The following CLCN6 variants were observed in gnomAD, a reference collection of about 807,000 sequenced individuals.
CLCN6 encodes the protein Cl-/H+ antiporter 6.
A neutral mutation model predicts 109.8 loss-of-function variants in CLCN6; 70 were observed. That is an observed-to-expected ratio of 0.64 (90% confidence interval 0.53 to 0.78). CLCN6 has a LOEUF of 0.78. Ranked by LOEUF, CLCN6 falls within the 30% of genes least tolerant of loss-of-function variation. CLCN6 has a pLI of 0.00. For synonymous variants in CLCN6, 444 were observed against 447.8 expected, an observed-to-expected ratio of 0.99 and a Z score of 0.11; for missense variants, 984 against 1,142.3, an observed-to-expected ratio of 0.86 and a Z score of 2.00.
intron 13 of CLCN6, among the ~76,000 whole-genome samples, chr1:11,833,206 G>A (rs551023799): frequency 6.6e-6 from 1 of 152,262 alleles, no homozygotes; most frequent in South Asian, 2.1e-4. Context: ...GCTTCTAGCA[G>A]CATCACTTAG....
At chr1:11,807,903 A>T (rs1414074381) in intron 2 of CLCN6, among the ~76,000 whole-genome samples, 2 of 151,768 alleles carry the variant, frequency 1.3e-5, no homozygotes, top group African/African-American at 2.4e-5. Flanking sequence ...AACCTGTCCC[A>T]CTCACCCCCT....
chr1:11,842,522 A>C lies in CLCN6; in HGVS notation c.*2299A>C, dbSNP rs562121410. 6.5e-6 allele frequency: 1 copy of C among 152,826 alleles called. No individual in the cohort carries two copies. The highest frequency in any genetic ancestry group is 1.9e-4 in the East Asian group (1 of 5,190). The allele number at this position is 152,826 out of a possible 1,614,324, so 9.5% of individuals were successfully genotyped here. A position where few individuals can be genotyped will look rare whatever the true frequency, so the allele number is the denominator to read the frequency against. Reference sequence around the variant, plus strand: ...GCTCCTTCCATTTCTGTCCATTAGAAACCAGCCTTTTCAGCATCTCACCCA... The same window carrying C: ...GCTCCTTCCATTTCTGTCCATTAGACACCAGCCTTTTCAGCATCTCACCCA... On this transcript the variant is annotated 3_prime_UTR_variant, in exon 23 of 23. Transcript: ENST00000346436.
chr1:11,838,218 C>T (rs1380447309), intron 20 of CLCN6, 117 bp from the exon 21 acceptor site: 4 of 909,528 alleles, frequency 4.4e-6, no homozygotes, highest in Non-Finnish European at 1.7e-6. Flanking sequence ...TGCTGCTGCA[C>T]CACCTGCCTC....
rs59015951 is a variant in CLCN6, at chr1:11,827,430, CTTTT to C, written c.840+229_840+232del. ...CTAACCCCAAATCAAACCGCTGTTA[CTTTT>C]TTTTTTTTTTTTTTTTTTTGAGATG... On this transcript the variant is annotated intron_variant, in intron 10 of 22. Coordinates refer to ENST00000346436, the MANE Select transcript of CLCN6 (RefSeq NM_001286.5). Among the ~76,000 whole-genome samples the C allele has an allele frequency of 1.5e-3, 158 of 105,018 alleles. 1 individual carries two copies. The highest frequency in any genetic ancestry group is 3.0e-3 in the Admixed American group (31 of 10,166). 68.9% of individuals were successfully genotyped at this position (105,018 alleles called of 152,430 possible).
Position 11,834,625 on chromosome 1 carries a change from G to A in CLCN6, c.1793+35G>A. 1.3e-6 allele frequency: 2 copies of A among 1,543,256 alleles called. No individual in the cohort carries two copies. The highest frequency in any genetic ancestry group is 1.8e-6 in the Non-Finnish European group (2 of 1,116,320). On this transcript the variant is annotated intron_variant, in intron 17 of 22. Transcript: ENST00000346436. This position sits in a 1 kb window ranked among gnomAD's most constrained non-coding sequence, Gnocchi z 4.5. ...TGATTTTGCTCATGTCCTAGTTTCAGAATGTATAAGCTCTGAGGCCTAAGG... is the reference window on the plus strand; with the variant it reads ...TGATTTTGCTCATGTCCTAGTTTCAAAATGTATAAGCTCTGAGGCCTAAGG...
chr1:11,808,682 CT>C (rs35849926), intron 2 of CLCN6, among the ~76,000 whole-genome samples: 83,667 of 136,162 alleles, frequency 0.61, 24,419 homozygotes, highest in East Asian at 0.74. Context: ...CTTCCTTCAT[CT>C]TTTTTTTTTT....
At chr1:11,838,271 C>T (rs1349176358) in intron 20 of CLCN6, 64 bp from the exon 21 acceptor site, 4 of 1,433,760 alleles carry the variant, frequency 2.8e-6, no homozygotes, top group Non-Finnish European at 3.9e-6. Flanking sequence ...AGGGGAGGGG[C>T]TCTAAGGTGA....
chr1:11,827,333 C>A, intron 10 of CLCN6, 112 bp downstream of exon 10: 1 of 1,092,528 alleles, frequency 9.2e-7, no homozygotes, highest in South Asian at 1.8e-5. Flanking sequence ...TCAACTGGAT[C>A]AGAAACAGCT....
chr1:11,834,326 C>T lies in CLCN6; in HGVS notation c.1617C>T (p.Ser539=). Reference sequence around the variant, plus strand: ...GCGGGGTGGTCCGCATGACCATCAGCCTCACGGTCATCCTGATCGAGTCCA... The same window carrying T: ...GCGGGGTGGTCCGCATGACCATCAGTCTCACGGTCATCCTGATCGAGTCCA... ...FLGGVVRMTI[S]LTVILIESTN... Residue 539 remains serine, a synonymous_variant, in exon 16 of 23, where the codon AGC becomes AGT. Coordinates refer to ENST00000346436, the MANE Select transcript of CLCN6 (RefSeq NM_001286.5). This position sits in a 1 kb window ranked among gnomAD's most constrained non-coding sequence, Gnocchi z 4.5. 6.2e-7 allele frequency: 1 copy of T among 1,614,114 alleles called. No homozygotes were observed. Among genetic ancestry groups the T allele is most frequent in the Non-Finnish European group, 8.5e-7 (1 of 1,180,028 alleles).
Position 11,834,638 on chromosome 1 carries a change from C to G in CLCN6, c.1793+48C>G. ...GTCCTAGTTTCAGAATGTATAAGCT[C>G]TGAGGCCTAAGGAATGTTGTTATTA... On this transcript the variant is annotated intron_variant, in intron 17 of 22. Transcript: ENST00000346436. The surrounding 1 kb of genome is among the most constrained non-coding windows in gnomAD (Gnocchi z 4.5). 5.4e-6 allele frequency: 8 copies of G among 1,480,464 alleles called. No homozygotes were observed. The highest frequency in any genetic ancestry group is 6.6e-6 in the Non-Finnish European group (7 of 1,061,804). The allele number at this position is 1,480,464 out of a possible 1,614,324, so 91.7% of individuals were successfully genotyped here. A position where few individuals can be genotyped will look rare whatever the true frequency, so the allele number is the denominator to read the frequency against.
chr1:11,822,723 C>T lies in CLCN6; in HGVS notation c.375C>T (p.Cys125=), dbSNP rs1412216975. ...TSVEECSQKG[C]LALSLLELLG... is the part of the protein sequence containing the mutation. ...TGGAGGAGTGCAGCCAGAAAGGCTGCCTCGCTCTGTCTCTCCTTGAACTCC... is the reference window on the plus strand; with the variant it reads ...TGGAGGAGTGCAGCCAGAAAGGCTGTCTCGCTCTGTCTCTCCTTGAACTCC... Residue 125 remains cysteine (C), a synonymous_variant, in exon 6 of 23, where the codon TGC becomes TGT. Coordinates refer to ENST00000346436, the MANE Select transcript of CLCN6 (RefSeq NM_001286.5). The T allele has an allele frequency of 6.2e-7, 1 of 1,613,954 alleles. No individual in the cohort carries two copies. The highest frequency in any genetic ancestry group is 1.1e-5 in the South Asian group (1 of 91,072).
intron 5 of CLCN6, 132 bp from the exon 6 acceptor site, chr1:11,822,563 A>C (rs1644759395): frequency 3.5e-6 from 2 of 569,576 alleles, no homozygotes; most frequent in Admixed American, 5.9e-5. Context: ...GTTTTTAAAA[A>C]ATTTTTATAT....
At chr1:11,838,919 G>A (rs1032641437) in intron 22 of CLCN6, 2 of 718,988 alleles carry the variant, frequency 2.8e-6, no homozygotes, top group Non-Finnish European at 5.2e-6. Flanking sequence ...TCTTCCTCCT[G>A]AAATGTTGCT....
Position 11,827,212 on chromosome 1 carries a change from G to T in CLCN6, c.831G>T (p.Thr277=). Residue 277 remains threonine (T), a synonymous_variant, in exon 10 of 23, where the codon ACG becomes ACT. Transcript: ENST00000346436. The part of the protein sequence containing the change: ...EGSSFWNQGL[T]WKVLFCSMSA... Reference sequence around the variant, plus strand: ...CGTCCTTCTGGAACCAAGGGCTCACGTGGAAAGTGGTGAGGAGGACCTTCA... The same window carrying T: ...CGTCCTTCTGGAACCAAGGGCTCACTTGGAAAGTGGTGAGGAGGACCTTCA... 1 of 1,611,806 alleles carries T rather than the reference G, an allele frequency of 6.2e-7. No homozygotes were observed. The highest frequency in any genetic ancestry group is 1.1e-5 in the South Asian group (1 of 90,994).
At chr1:11,818,119 A>G (rs1203381044) in intron 4 of CLCN6, among the ~76,000 whole-genome samples, 2 of 152,102 alleles carry the variant, frequency 1.3e-5, no homozygotes, top group Non-Finnish European at 2.9e-5. Flanking sequence ...AAAAAATTAA[A>G]AAAAAGAAAT....
At chr1:11,819,944 A>G (rs1557782489) in intron 5 of CLCN6, among the ~76,000 whole-genome samples, 2 of 152,240 alleles carry the variant, frequency 1.3e-5, no homozygotes, top group Admixed American at 1.3e-4. Context: ...CCTGTCAGAT[A>G]TCAAGTCTTA....
chr1:11,831,260 G>A (rs897739110), intron 13 of CLCN6, among the ~76,000 whole-genome samples: 4 of 151,876 alleles, frequency 2.6e-5, no homozygotes, highest in African/African-American at 7.2e-5. Context: ...GGGTTCAAGC[G>A]ATTCTCCTGC....
chr1:11,813,333 G>A (rs111814891), intron 2 of CLCN6, among the ~76,000 whole-genome samples: 415 of 152,104 alleles, frequency 2.7e-3, no homozygotes, highest in South Asian at 6.2e-3. Context: ...TTATGGATGA[G>A]TCTAGTTTCT....
At position 11,837,294 on chromosome 1, in the gene CLCN6, G is replaced by C. The variant is rs72640268; in HGVS notation, c.2139-49G>C. On this transcript the variant is annotated intron_variant, in intron 19 of 22. Transcript: ENST00000346436. ...AGCGGGCTGGGAACATGGATCAGAA[G>C]CGCTCCCGCTGAGGGTATCCCAGGC... The C allele has an allele frequency of 8.4e-3, 13,378 of 1,593,732 alleles. 95 individuals carry two copies. The highest frequency in any genetic ancestry group is 8.9e-3 in the Non-Finnish European group (10,374 of 1,166,888).
Sources: gnomAD v4.1 joint callset for allele counts (sites outside exome capture counted in the v4.1 genomes callset) on GRCh38, gnomAD v4.1.1 for gene constraint, Gnocchi (gnomAD v3.1) non-coding constraint, MANE v1.5 for transcripts, NCBI Gene and HGNC (gene_info 2026-07-23, HGNC 2026-07-21) for gene names.